Variants in ZNF536 observed in about 807,000 individuals in gnomAD.
ZNF536 encodes zinc finger protein 536.
In ZNF536, 13 loss-of-function variants were observed where a neutral mutation model predicts 84.5. The ratio of observed to expected loss-of-function variants is 0.15; its 90% CI spans 0.10 to 0.24. ZNF536 has a LOEUF of 0.24. ZNF536 is among the 10% of genes least tolerant of loss of function. The probability of loss-of-function intolerance (pLI) is 1.00; values close to 1 mark genes in which losing one functional copy is unlikely to be tolerated. For missense variants in ZNF536, 1,536 were observed against 1,747.5 expected, an observed-to-expected ratio of 0.88 and a Z score of 2.16; for synonymous variants, 811 against 742.5, an observed-to-expected ratio of 1.09 and a Z score of -1.50.
chr19:30,524,678 G>A (rs73026711), intron 2 of ZNF536, among the ~76,000 whole-genome samples: 14,409 of 152,200 alleles, frequency 0.095, 948 homozygotes, highest in Non-Finnish European at 0.14. Flanking sequence ...AATTCCTGGA[G>A]TCAGATCTTC....
intron 2 of ZNF536, among the ~76,000 whole-genome samples, chr19:30,526,468 T>C (rs949488515): frequency 5.6e-5 from 7 of 125,124 alleles, no homozygotes; most frequent in East Asian, 3.9e-4. Flanking sequence ...CTCACGCCTG[T>C]AATCCCAGCA....
At chr19:30,658,307 C>A (rs773572532) in intron 1 of ZNF536, among the ~76,000 whole-genome samples, 30 of 152,118 alleles carry the variant, frequency 2.0e-4, no homozygotes, top group Non-Finnish European at 2.9e-4. Flanking sequence ...CAGGTGTGAG[C>A]AACCGTGCCT....
intron 1 of ZNF536, among the ~76,000 whole-genome samples, chr19:30,681,640 A>T (rs1024826186): frequency 6.6e-6 from 1 of 152,146 alleles, no homozygotes; most frequent in Non-Finnish European, 1.5e-5. Flanking sequence ...GGTGGCGTTG[A>T]TCCTTTCTCT....
chr19:30,262,001 C>T (rs186287118), intron 1 of ZNF536, among the ~76,000 whole-genome samples: 29 of 152,272 alleles, frequency 1.9e-4, no homozygotes, highest in Middle Eastern at 3.4e-3. Context: ...TGCACTTCTG[C>T]GTCTCATTGG....
chr19:30,452,220 G>T (rs1029603686), intron 2 of ZNF536, among the ~76,000 whole-genome samples: 7 of 152,354 alleles, frequency 4.6e-5, no homozygotes, highest in Admixed American at 1.3e-4. Flanking sequence ...CCTGCCAGGG[G>T]CCACTTCTGC....
intron 1 of ZNF536, among the ~76,000 whole-genome samples, chr19:30,612,477 C>T (rs531071979): frequency 6.6e-6 from 1 of 152,116 alleles, no homozygotes; most frequent in Admixed American, 6.5e-5. Context: ...ATGGAGATAC[C>T]ATGGAGAGAG....
intron 1 of ZNF536, among the ~76,000 whole-genome samples, chr19:30,563,478 G>C (rs938019046): frequency 6.6e-6 from 1 of 152,152 alleles, no homozygotes; most frequent in Non-Finnish European, 1.5e-5. Context: ...TTGTATCAGT[G>C]GTTTTTGGGT....
intron 3 of ZNF536, among the ~76,000 whole-genome samples, chr19:30,353,531 C>T (rs996788350): frequency 6.6e-6 from 1 of 151,770 alleles, no homozygotes; most frequent in Non-Finnish European, 1.5e-5. Flanking sequence ...GAGCAGCCCC[C>T]CCCTGGCACC....
chr19:30,335,675 G>A (rs1339881039), intron 2 of ZNF536, among the ~76,000 whole-genome samples: 1 of 152,208 alleles, frequency 6.6e-6, no homozygotes, highest in African/African-American at 2.4e-5. Context: ...CCCGGGTGGA[G>A]AAGCTGCGAG....
intron 2 of ZNF536, among the ~76,000 whole-genome samples, chr19:30,459,965 G>A (rs985946901): frequency 5.3e-5 from 8 of 152,144 alleles, no homozygotes; most frequent in African/African-American, 1.9e-4. Context: ...GAGATTCACG[G>A]AACTGGAAGG....
chr19:30,357,852 C>CCAGCTG (rs1369515413), intron 3 of ZNF536, among the ~76,000 whole-genome samples: 3 of 152,124 alleles, frequency 2.0e-5, no homozygotes, highest in Non-Finnish European at 4.4e-5. Flanking sequence ...CCCACAGAGT[C>CCAGCTG]CAGCTGTGCT....
At chr19:30,404,453 A>C (rs2050183411) in intron 1 of ZNF536, among the ~76,000 whole-genome samples, 1 of 152,172 alleles carries the variant, frequency 6.6e-6, no homozygotes, top group Non-Finnish European at 1.5e-5. Context: ...CAGTCCCAGC[A>C]ATCTAGTGAT....
intron 2 of ZNF536, among the ~76,000 whole-genome samples, chr19:30,480,332 T>G (rs1256462019): frequency 6.6e-6 from 1 of 152,210 alleles, no homozygotes. Context: ...TTCCCCAACG[T>G]GATGTCATTG....
intron 1 of ZNF536, among the ~76,000 whole-genome samples, chr19:30,397,527 T>C (rs1251379244): frequency 6.6e-6 from 1 of 152,196 alleles, no homozygotes; most frequent in Admixed American, 6.5e-5. Context: ...CTCAGTTATT[T>C]CTTACAACTG....
chr19:30,271,137 T>G (rs2025809352), intron 1 of ZNF536, among the ~76,000 whole-genome samples: 1 of 152,102 alleles, frequency 6.6e-6, no homozygotes, highest in Non-Finnish European at 1.5e-5. Context: ...AACTTTACCA[T>G]GCAATAGGCA....
intron 1 of ZNF536, among the ~76,000 whole-genome samples, chr19:30,443,311 A>C (rs1056411090): frequency 6.6e-6 from 1 of 152,232 alleles, no homozygotes; most frequent in African/African-American, 2.4e-5. Flanking sequence ...AAGGTGAATG[A>C]ATAATTGCAG....
chr19:30,480,285 T>C (rs997713613), intron 2 of ZNF536, among the ~76,000 whole-genome samples: 1 of 152,174 alleles, frequency 6.6e-6, no homozygotes, highest in Non-Finnish European at 1.5e-5. Context: ...GACCTCTCCT[T>C]GCAGGGCAGA....
chr19:30,312,066 G>T (rs2046524318), intron 2 of ZNF536, among the ~76,000 whole-genome samples: 1 of 152,162 alleles, frequency 6.6e-6, no homozygotes, highest in African/African-American at 2.4e-5. Flanking sequence ...AGACCCTGTT[G>T]CAAGAAAAAC....
intron 2 of ZNF536, among the ~76,000 whole-genome samples, chr19:30,498,585 C>T (rs2054817078): frequency 6.8e-6 from 1 of 147,628 alleles, no homozygotes; most frequent in Non-Finnish European, 1.5e-5. Context: ...CACATGTACC[C>T]CCAGAATTAA....
Sources: gnomAD v4.1 joint callset for allele counts (sites outside exome capture counted in the v4.1 genomes callset) on GRCh38, gnomAD v4.1.1 for gene constraint, MANE v1.5 for transcripts, NCBI Gene and HGNC (gene_info 2026-07-23, HGNC 2026-07-21) for gene names.